COL3A1: variants seen among roughly 807,000 people sequenced by gnomAD.
COL3A1 encodes collagen type III alpha 1 chain.
Under a neutral mutation model 200.9 loss-of-function variants are expected in COL3A1, and 46 were observed. The observed-to-expected ratio is 0.23, with a 90% CI of 0.18 to 0.29. The LOEUF is 0.29. Among genes scored for constraint, COL3A1 ranks in the 10% least tolerant of loss-of-function variants. The pLI is 1.00. For missense variants in COL3A1, 1,367 were observed against 1,917.6 expected, an observed-to-expected ratio of 0.71 and a Z score of 5.36; for synonymous variants, 650 against 628.0, an observed-to-expected ratio of 1.03 and a Z score of -0.52.
chr2:188,992,773 C>A, intron 14 of COL3A1, 114 bp from the exon 15 acceptor site: 1 of 853,094 alleles, frequency 1.2e-6, no homozygotes, highest in Non-Finnish European at 2.0e-6. Context: ...ATATGAATAT[C>A]ATTTTTATCT....
rs555118283 is a variant in COL3A1 at position 189,012,710 on chromosome 2, T to A, written c.*936T>A. ...ATGTGGTTGTTGATCTTTTTTTTCC[T>A]TACAGACACCCATAATAAAATATCA... On this transcript the variant is annotated 3_prime_UTR_variant, in exon 51 of 51. Transcript: ENST00000304636. The A allele has an allele frequency of 6.5e-6, 1 of 152,686 alleles. No homozygotes were observed. The highest frequency in any genetic ancestry group is 2.4e-5 in the African/African-American group (1 of 41,578). The allele number at this position is 152,686 out of a possible 1,614,324, so 9.5% of individuals were successfully genotyped here.
chr2:188,977,303 A>G (rs757282150), intron 1 of COL3A1, among the ~76,000 whole-genome samples: 9 of 152,136 alleles, frequency 5.9e-5, no homozygotes, highest in Non-Finnish European at 8.8e-5. Context: ...TTGAGTTTCT[A>G]TATTTTGCTA....
At chr2:188,984,622 A>G in intron 1 of COL3A1, 138 bp from the exon 2 acceptor site, 1 of 749,314 alleles carries the variant, frequency 1.3e-6, no homozygotes, top group Non-Finnish European at 2.3e-6. Flanking sequence ...GGGCAAGTAT[A>G]ATTTTCTAAT....
At position 189,002,962 on chromosome 2, in the gene COL3A1, A is replaced by C; in HGVS notation, c.2453A>C (p.Asn818Thr). 6.4e-7 allele frequency: 1 copy of C among 1,551,438 alleles called. No homozygotes were observed. Among genetic ancestry groups the C allele is most frequent in the Non-Finnish European group, 8.7e-7 (1 of 1,146,756 alleles). Reference sequence around the variant, plus strand: ...TGTTGTTGTTGCATGTAGGGACAGAATGGTGAACCTGGTGGTAAAGGAGAA... The same window carrying C: ...TGTTGTTGTTGCATGTAGGGACAGACTGGTGAACCTGGTGGTAAAGGAGAA... ...PAGFPGAPGQ[N>T]GEPGGKGERG... Residue 818 changes from asparagine (N) to threonine (T), a missense_variant, in exon 36 of 51, where the codon AAT becomes ACT. Physicochemically the swap from Asn to Thr is moderately conservative, Grantham distance 65. Around this residue, in one of 5 missense-constraint regions of COL3A1, gnomAD observed 846 missense variants for 1,147.9 expected, o/e 0.74. Transcript: ENST00000304636.
At position 189,002,860 on chromosome 2, in the gene COL3A1, A is replaced by G; in HGVS notation, c.2446-95A>G. Reference sequence around the variant, plus strand: ...TTTAAATTTTATTTCAACTCCTTCCATCTGAAGAATTCTATATTCTGAAGA... The same window carrying G: ...TTTAAATTTTATTTCAACTCCTTCCGTCTGAAGAATTCTATATTCTGAAGA... On this transcript the variant is annotated intron_variant, in intron 35 of 50. Transcript: ENST00000304636. 4.1e-6 allele frequency: 4 copies of G among 964,368 alleles called. No individual in the cohort carries two copies. The South Asian group carries it at 4.2e-5, about 10-fold the overall frequency. 59.7% of individuals were successfully genotyped at this position (964,368 alleles called of 1,614,324 possible).
intron 1 of COL3A1, among the ~76,000 whole-genome samples, chr2:188,975,407 AC>A (rs1687787809): frequency 1.3e-5 from 2 of 152,302 alleles, no homozygotes; most frequent in African/African-American, 4.8e-5. Context: ...TCCCCTAAAA[AC>A]ACATTTGTCT....
At chr2:189,006,478 CTTGT>C in intron 43 of COL3A1, 26 bp downstream of exon 43, 1 of 1,604,002 alleles carries the variant, frequency 6.2e-7, no homozygotes, top group Non-Finnish European at 8.5e-7. Context: ...CAGCATCTGT[CTTGT>C]TTGTCTATTT....
Position 188,983,772 on chromosome 2 carries a change from A to C in COL3A1, c.80-988A>C, listed in dbSNP as rs1264096918. ...AGTACATCATTTGTTGTTTGCAAAA[A>C]TTTTTGCAGATGCTTAGAAACTTAT... On this transcript the variant is annotated intron_variant, in intron 1 of 50. Transcript: ENST00000304636. 2.0e-5 allele frequency among the ~76,000 whole-genome samples: 3 copies of C among 151,958 alleles called. No individual in the cohort carries two copies. In the East Asian group the frequency reaches 5.8e-4, roughly 29 times the overall value.
At chr2:188,996,266 G>GTA (rs1353040172) in intron 23 of COL3A1, 88 bp downstream of exon 23, 2 of 941,856 alleles carry the variant, frequency 2.1e-6, no homozygotes, top group African/African-American at 2.5e-5. Flanking sequence ...GTGTGTGTGT[G>GTA]TGTGTATATA....
At chr2:188,974,610 T>C (rs761992443) in intron 1 of COL3A1, 42 bp downstream of exon 1, 1 of 1,522,070 alleles carries the variant, frequency 6.6e-7, no homozygotes, top group Non-Finnish European at 9.1e-7. Context: ...GGGATTTTTG[T>C]CTTTCTTCTC....
At position 188,997,376 on chromosome 2, in the gene COL3A1, C is replaced by G. The variant is rs373838193; in HGVS notation, c.1856C>G (p.Pro619Arg). Residue 619 changes from proline (P) to arginine (R), a missense_variant, in exon 26 of 51, where the codon CCC (proline) becomes CGC (arginine). Around this residue, in one of 5 missense-constraint regions of COL3A1, gnomAD observed 846 missense variants for 1,147.9 expected, o/e 0.74. Coordinates refer to ENST00000304636, the MANE Select transcript of COL3A1 (RefSeq NM_000090.4). ...AATGGTGAAACTGGACCTCAGGGACCCCCAGGGCCTACTGTAAGTTCACTC... is the reference window on the plus strand; with the variant it reads ...AATGGTGAAACTGGACCTCAGGGACGCCCAGGGCCTACTGTAAGTTCACTC... ...GKNGETGPQGPPGPTGPGGDK... is the reference protein window; with the variant it reads ...GKNGETGPQGRPGPTGPGGDK... 3 of 1,613,644 alleles carry G rather than the reference C, an allele frequency of 1.9e-6. No homozygotes were observed. The Admixed American group carries it at 5.0e-5, about 27-fold the overall frequency.
At chr2:188,999,694 G>A in intron 31 of COL3A1, 117 bp downstream of exon 31, 6 of 1,382,136 alleles carry the variant, frequency 4.3e-6, no homozygotes, top group Non-Finnish European at 6.1e-6. Context: ...TCATTTTATA[G>A]TAAGTGAAAT....
In COL3A1 at chr2:188,985,236, A is replaced by G; in HGVS notation, c.322A>G (p.Lys108Glu). 6.2e-7 allele frequency: 1 copy of G among 1,611,244 alleles called. No homozygotes were observed. The highest frequency in any genetic ancestry group is 1.1e-5 in the South Asian group (1 of 91,038). Residue 108 changes from lysine (K) to glutamate (E), a missense_variant, in exon 3 of 51, where the codon AAG becomes GAG. Physicochemically the swap from Lys to Glu is moderately conservative, Grantham distance 56. Coordinates refer to ENST00000304636, the MANE Select transcript of COL3A1 (RefSeq NM_000090.4). ...TAATGGTCAAGGACCTCAAGGCCCC[A>G]AGGGAGATCCAGTAAGTAAACATTC... ...PPNGQGPQGP[K>E]GDPGPPGIPG...
At position 189,009,040 on chromosome 2, in the gene COL3A1, C is replaced by A. The variant is rs184402915; in HGVS notation, c.3642C>A (p.Gly1214=). ...AIAGIGGEKA[G]GFAPYYGDEP... ...CTGGGATTGGAGGTGAAAAAGCTGG[C>A]GGTTTTGCCCCGTATTATGGAGATG... Residue 1214 remains glycine (G), a synonymous_variant, in exon 48 of 51, where the codon GGC becomes GGA. Coordinates refer to ENST00000304636, the MANE Select transcript of COL3A1 (RefSeq NM_000090.4). 468 of 1,614,118 alleles carry A rather than the reference C, an allele frequency of 2.9e-4. No individual in the cohort carries two copies. The Middle Eastern group carries it at 3.3e-3, about 11-fold the overall frequency.
rs572353319 is a variant in COL3A1, at chr2:188,984,698, T to C, written c.80-62T>C. 314 of 1,452,902 alleles carry C rather than the reference T, an allele frequency of 2.2e-4. 6 individuals carry two copies. In the South Asian group the frequency reaches 3.3e-3, roughly 15 times the overall value. 90.0% of individuals were successfully genotyped at this position (1,452,902 alleles called of 1,614,324 possible). ...GCTATTGTTAATAGTCCTAACAGAG[T>C]AACAAAAATCACCTTTCAGCAAAAC... On this transcript the variant is annotated intron_variant, in intron 1 of 50. Coordinates refer to ENST00000304636, the MANE Select transcript of COL3A1 (RefSeq NM_000090.4).
At chr2:189,006,536 C>T in intron 43 of COL3A1, 84 bp downstream of exon 43, 1 of 1,305,158 alleles carries the variant, frequency 7.7e-7, no homozygotes, top group Non-Finnish European at 1.1e-6. Context: ...AATGTCAGAT[C>T]TGCCAACCAA....
chr2:188,983,097 A>G (rs1687988516), intron 1 of COL3A1, among the ~76,000 whole-genome samples: 2 of 151,972 alleles, frequency 1.3e-5, no homozygotes, highest in Non-Finnish European at 2.9e-5. Context: ...ATATTCACTA[A>G]GAATTAAGAA....
At chr2:189,008,208 C>A (rs968383489) in intron 47 of COL3A1, 66 bp downstream of exon 47, 18 of 1,348,924 alleles carry the variant, frequency 1.3e-5, no homozygotes, top group East Asian at 2.5e-5. Context: ...AGAAACACAG[C>A]GCATTATGTT....
At chr2:188,998,123 A>AT (rs1160024612) in intron 27 of COL3A1, 143 bp from the exon 28 acceptor site, 1 of 743,208 alleles carries the variant, frequency 1.3e-6, no homozygotes, top group African/African-American at 1.8e-5. Flanking sequence ...GTGTCACTGG[A>AT]TTTTGAGTGG....
Sources: allele counts gnomAD v4.1 joint callset (sites outside exome capture counted in the v4.1 genomes callset), GRCh38; gene constraint gnomAD v4.1.1; regional missense constraint gnomAD v4.1.1; transcripts MANE v1.5; gene names NCBI Gene and HGNC (gene_info 2026-07-23, HGNC 2026-07-21).